Variants in CORO2B observed in about 807,000 individuals in gnomAD.
CORO2B encodes the protein coronin-2B.
In CORO2B, 26 loss-of-function variants were observed where a neutral mutation model predicts 58.8. The ratio of observed to expected loss-of-function variants is 0.44; its 90% CI spans 0.32 to 0.61. The LOEUF (loss-of-function observed/expected upper bound fraction) is 0.61. Among genes scored for constraint, CORO2B ranks in the 20% least tolerant of loss-of-function variants. The probability of loss-of-function intolerance (pLI) is 0.04; values close to 1 mark genes in which losing one functional copy is unlikely to be tolerated. For synonymous variants in CORO2B, 242 were observed against 253.8 expected (o/e 0.95, Z 0.44); for missense variants, 460 against 645.1 (o/e 0.71, Z 3.11).
At chr15:68,584,420 C>A (rs899204665) in intron 1 of CORO2B, among the ~76,000 whole-genome samples, 1 of 152,136 alleles carries the variant, frequency 6.6e-6, no homozygotes, top group African/African-American at 2.4e-5. Flanking sequence ...CCAGAATCAC[C>A]CCACAGTGGC....
At chr15:68,658,873 T>C (rs1901920389) in intron 2 of CORO2B, among the ~76,000 whole-genome samples, 1 of 152,182 alleles carries the variant, frequency 6.6e-6, no homozygotes, top group Non-Finnish European at 1.5e-5. Context: ...CTGTGCAGTG[T>C]TTGTGAAGTG....
chr15:68,635,232 G>A (rs1258101893), intron 1 of CORO2B, among the ~76,000 whole-genome samples: 1 of 152,194 alleles, frequency 6.6e-6, no homozygotes, highest in Non-Finnish European at 1.5e-5. Context: ...GGGCTAAGGG[G>A]GTGCAAGTTG....
chr15:68,665,052 C>T (rs981975078), intron 2 of CORO2B, among the ~76,000 whole-genome samples: 3 of 152,242 alleles, frequency 2.0e-5, no homozygotes, highest in South Asian at 4.1e-4. Flanking sequence ...GTTAGAAAGG[C>T]TTTCTCTGAG....
intron 2 of CORO2B, among the ~76,000 whole-genome samples, chr15:68,688,798 G>A (rs1388448): frequency 0.89 from 135,203 of 152,172 alleles, 60,983 homozygotes; most frequent in South Asian, 0.97. Flanking sequence ...CCTGGGGTAA[G>A]TTCCTGAAGC....
At chr15:68,537,295 T>A in the CORO2B span, among the ~76,000 whole-genome samples, 6 of 152,130 alleles carry the variant, frequency 3.9e-5, no homozygotes, top group East Asian at 1.2e-3. Flanking sequence ...TGGATTAGAG[T>A]TGGCTGTGAG....
Position 68,719,163 on chromosome 15 carries a change from A to G in CORO2B, c.1100A>G (p.Asp367Gly). 1 of 1,614,102 alleles carries G rather than the reference A, an allele frequency of 6.2e-7. No homozygotes were observed. Among genetic ancestry groups the G allele is most frequent in the Non-Finnish European group, 8.5e-7 (1 of 1,179,978 alleles). ...CTGTAGTCAGATTCCTACCAGGAAG[A>G]CATTTACCCAATGACACCAGGCACG... ...VPRRSDSYQE[D>G]IYPMTPGTEP... The change falls in exon 10 of 12, where the codon GAC becomes GGC. Residue 367 changes from aspartate to glycine, a missense_variant. Transcript: ENST00000261861.
intron 3 of CORO2B, among the ~76,000 whole-genome samples, chr15:68,696,045 G>A (rs1892501252): frequency 6.6e-6 from 1 of 150,734 alleles, no homozygotes; most frequent in Non-Finnish European, 1.5e-5. Flanking sequence ...GAGACAGCCT[G>A]GGCAACACAG....
chr15:68,548,731 A>G, the CORO2B span, among the ~76,000 whole-genome samples: 1 of 152,216 alleles, frequency 6.6e-6, no homozygotes, highest in Non-Finnish European at 1.5e-5. Flanking sequence ...GATACTCAAT[A>G]CTTTCAGACT....
At chr15:68,578,695 A>G (rs144066876), upstream of CORO2B, among the ~76,000 whole-genome samples, 1,506 of 152,144 alleles carry the variant, frequency 9.9e-3, 39 homozygotes, top group African/African-American at 0.034. The surrounding 1 kb of genome is among the most constrained non-coding windows in gnomAD (Gnocchi z 4.2). Flanking sequence ...GGCCAGCGGG[A>G]CACCCGAGAG....
At chr15:68,555,235 G>C in the CORO2B span, among the ~76,000 whole-genome samples, 14 of 152,290 alleles carry the variant, frequency 9.2e-5, no homozygotes, top group East Asian at 2.7e-3. Context: ...TGGAGGCATG[G>C]CCCTGCCGTC....
At chr15:68,531,731 A>G in the CORO2B span, among the ~76,000 whole-genome samples, 1 of 151,862 alleles carries the variant, frequency 6.6e-6, no homozygotes, top group Non-Finnish European at 1.5e-5. Context: ...TTACCAACAT[A>G]TTTACTACTT....
Position 68,713,990 on chromosome 15 carries a change from C to T in CORO2B, c.714C>T (p.Leu238=), listed in dbSNP as rs762902893. The change falls in exon 6 of 12, where the codon CTC becomes CTT. Residue 238 remains leucine (L), a synonymous_variant. Transcript: ENST00000261861. Reference sequence around the variant, plus strand: ...TCCTGGGGAACATGAAGCGGCTCCTCACGACAGGGGTCTCCAGGTGGAACA... The same window carrying T: ...TCCTGGGGAACATGAAGCGGCTCCTTACGACAGGGGTCTCCAGGTGGAACA... The part of the protein sequence containing the change: ...VVFLGNMKRL[L]TTGVSRWNTR... The T allele has an allele frequency of 4.3e-6, 7 of 1,613,978 alleles. No individual in the cohort carries two copies. Among genetic ancestry groups the T allele is most frequent in the Non-Finnish European group, 5.9e-6 (7 of 1,179,980 alleles).
the CORO2B span, among the ~76,000 whole-genome samples, chr15:68,544,747 A>G: frequency 6.6e-6 from 1 of 151,538 alleles, no homozygotes; most frequent in Non-Finnish European, 1.5e-5. Context: ...TTCATAGCCA[A>G]TCTGCTCACA....
At chr15:68,602,386 C>T (rs1012314636) in intron 1 of CORO2B, among the ~76,000 whole-genome samples, 1 of 150,482 alleles carries the variant, frequency 6.6e-6, no homozygotes, top group African/African-American at 2.5e-5. Context: ...GATATTTGGT[C>T]CTGCCCAAAT....
intron 1 of CORO2B, among the ~76,000 whole-genome samples, chr15:68,639,498 A>C (rs1354249196): frequency 1.3e-5 from 2 of 152,214 alleles, no homozygotes; most frequent in Non-Finnish European, 2.9e-5. Flanking sequence ...AGGGGAATAT[A>C]AAAGAGGAAG....
intron 1 of CORO2B, among the ~76,000 whole-genome samples, chr15:68,639,208 C>A (rs971186555): frequency 1.3e-5 from 2 of 152,160 alleles, no homozygotes; most frequent in Admixed American, 6.5e-5. Context: ...CTCTTGCCCC[C>A]CTACCATACT....
chr15:68,577,442 G>T (rs1899308990), upstream of CORO2B, among the ~76,000 whole-genome samples: 1 of 152,114 alleles, frequency 6.6e-6, no homozygotes, highest in South Asian at 2.1e-4. Context: ...AAAATGGCAG[G>T]GCCGGGGGCG....
chr15:68,654,004 G>A (rs1047122703), intron 2 of CORO2B, among the ~76,000 whole-genome samples: 1 of 152,080 alleles, frequency 6.6e-6, no homozygotes, highest in African/African-American at 2.4e-5. Context: ...CTTCCGCTTG[G>A]TGCAATTTGC....
chr15:68,612,103 C>T (rs184468800), intron 1 of CORO2B, among the ~76,000 whole-genome samples: 46 of 152,286 alleles, frequency 3.0e-4, no homozygotes, highest in African/African-American at 1.1e-3. Context: ...CATCCCTGAA[C>T]GAGAAATGTG....
Sources: gnomAD v4.1 joint callset for allele counts (sites outside exome capture counted in the v4.1 genomes callset) on GRCh38, gnomAD v4.1.1 for gene constraint, Gnocchi (gnomAD v3.1) non-coding constraint, MANE v1.5 for transcripts, NCBI Gene and HGNC (gene_info 2026-07-23, HGNC 2026-07-21) for gene names.